The following CPNE2 variants were observed in gnomAD, a reference collection of about 807,000 sequenced individuals.
CPNE2 encodes the protein copine-2.
In CPNE2, 42 loss-of-function variants were observed where a neutral mutation model predicts 69.7. That is an observed-to-expected ratio of 0.60 (90% CI 0.47 to 0.78). The LOEUF is 0.78. CPNE2 is among the 30% of genes least tolerant of loss of function. The pLI is 0.00. For missense variants in CPNE2, 587 were observed against 732.0 expected (o/e 0.80, Z 2.29); for synonymous variants, 294 against 289.8 (o/e 1.01, Z -0.15).
intron 13 of CPNE2, 87 bp from the exon 14 acceptor site, chr16:57,137,062 A>C (rs1326575342): frequency 1.3e-6 from 2 of 1,545,044 alleles, no homozygotes; most frequent in Non-Finnish European, 1.8e-6. Flanking sequence ...TTGGGTAAGC[A>C]TGAAATAGAT....
chr16:57,129,779 A>G (rs1380273945), intron 12 of CPNE2, among the ~76,000 whole-genome samples: 1 of 152,214 alleles, frequency 6.6e-6, no homozygotes, highest in Non-Finnish European at 1.5e-5. Flanking sequence ...AGATCGTGCC[A>G]CTGCACTCCA....
At chr16:57,124,192 C>T (rs1209585507) in intron 10 of CPNE2, 1 of 321,324 alleles carries the variant, frequency 3.1e-6, no homozygotes, top group East Asian at 8.3e-5. Flanking sequence ...GTTGATCCTC[C>T]CACCTCAGCT....
At chr16:57,110,492 A>C (rs535918916) in intron 1 of CPNE2, 87 of 252,972 alleles carry the variant, frequency 3.4e-4, no homozygotes, top group African/African-American at 1.8e-3. Context: ...CTGAGATTAT[A>C]GGCGTGAGCC....
rs527952652 is a variant in CPNE2 at position 57,093,973 on chromosome 16, C to T, written c.-36+1183C>T. On this transcript the variant is annotated intron_variant, in intron 1 of 15. Transcript: ENST00000290776. ...AGGGAACTTGGCCCAGACCCTCCCC[C>T]CCTGTGGCCCTCTGGGTCACCATCT... is the stretch of plus-strand genomic sequence containing the variant. 2.2e-4 allele frequency: 100 copies of T among 451,340 alleles called. 1 individual carries two copies. The East Asian group carries it at 5.4e-3, about 25-fold the overall frequency. 28.0% of individuals were successfully genotyped at this position (451,340 alleles called of 1,614,324 possible). A position where few individuals can be genotyped will look rare whatever the true frequency, so the allele number is the denominator to read the frequency against.
chr16:57,115,429 G>A (rs1414667996), intron 3 of CPNE2, 47 bp from the exon 4 acceptor site: 2 of 1,474,418 alleles, frequency 1.4e-6, no homozygotes, highest in Non-Finnish European at 1.9e-6. Flanking sequence ...TCCTTCCCGG[G>A]CTTCCCCCGC....
rs1414298611 is a variant in CPNE2, at chr16:57,146,619, GA to G, written c.1539+299del. 2.5e-6 allele frequency: 1 copy of G among 402,406 alleles called. No individual in the cohort carries two copies. The highest frequency in any genetic ancestry group is 5.3e-5 in the East Asian group (1 of 18,904). 24.9% of individuals were successfully genotyped at this position (402,406 alleles called of 1,614,324 possible). A position where few individuals can be genotyped will look rare whatever the true frequency, so the allele number is the denominator to read the frequency against. ...GAGGACCTGCCCTCTAGTGGGGTCT[GA>G]TGAGAGGCTGGGGCTATCCATGTGG... On this transcript the variant is annotated intron_variant, in intron 15 of 15. Coordinates refer to ENST00000290776, the MANE Select transcript of CPNE2 (RefSeq NM_152727.6). This position sits in a 1 kb window ranked among gnomAD's most constrained non-coding sequence, Gnocchi z 4.4.
At chr16:57,137,751 C>T (rs1261287521) in intron 14 of CPNE2, among the ~76,000 whole-genome samples, 2 of 152,192 alleles carry the variant, frequency 1.3e-5, no homozygotes, top group African/African-American at 2.4e-5. Flanking sequence ...AAAGTAGCTG[C>T]GTGGCATCTG....
chr16:57,120,026 A>T (rs1002096024), intron 7 of CPNE2, among the ~76,000 whole-genome samples: 2 of 152,246 alleles, frequency 1.3e-5, no homozygotes, highest in Non-Finnish European at 2.9e-5. Context: ...TAATCCCAGC[A>T]CTTTGGGAGG....
chr16:57,127,967 G>T (rs1486859823), intron 12 of CPNE2, 64 bp downstream of exon 12: 3 of 1,541,690 alleles, frequency 1.9e-6, no homozygotes, highest in Non-Finnish European at 1.8e-6. Context: ...GGCCTCTCGG[G>T]GATCAGCTCT....
Position 57,134,772 on chromosome 16 carries a change from C to T in CPNE2, c.1117-3C>T. 2.5e-6 allele frequency: 4 copies of T among 1,613,940 alleles called. No homozygotes were observed. The highest frequency in any genetic ancestry group is 3.4e-6 in the Non-Finnish European group (4 of 1,179,912). On this transcript the variant is annotated splice_region_variant and splice_polypyrimidine_tract_variant and intron_variant, in intron 12 of 15. Coordinates refer to ENST00000290776, the MANE Select transcript of CPNE2 (RefSeq NM_152727.6). The stretch of plus-strand genomic sequence containing the variant: ...GCAGCTCAGCGTTTTCTCTGCGTTT[C>T]AGGTCTCCCATGAGTTTGCCATCAA...
chr16:57,126,621 G>C (rs1358047679), intron 11 of CPNE2, among the ~76,000 whole-genome samples: 1 of 152,182 alleles, frequency 6.6e-6, no homozygotes, highest in African/African-American at 2.4e-5. Context: ...CCAGGTCAGA[G>C]GATGGAATGA....
In CPNE2 at chr16:57,130,199, T is replaced by G. The variant is rs552743407; in HGVS notation, c.1116+2296T>G. 1.4e-4 allele frequency among the ~76,000 whole-genome samples: 21 copies of G among 151,532 alleles called. No homozygotes were observed. Among genetic ancestry groups the G allele is most frequent in the African/African-American group, 4.8e-4 (20 of 41,278 alleles). On this transcript the variant is annotated intron_variant, in intron 12 of 15. Transcript: ENST00000290776. This position sits in a 1 kb window ranked among gnomAD's most constrained non-coding sequence, Gnocchi z 4.1. ...TTCGAGACCAGCCTGGCCAACATGG[T>G]GAAACCCCGTCTCTACTAAAAATAC...
chr16:57,135,927 C>T (rs1490785576), intron 13 of CPNE2, among the ~76,000 whole-genome samples: 12 of 105,828 alleles, frequency 1.1e-4, no homozygotes, highest in African/African-American at 3.0e-4. Flanking sequence ...AAGAGAGAGA[C>T]AGAGAGAAAG....
chr16:57,094,267 G>A (rs1390647560), intron 1 of CPNE2, among the ~76,000 whole-genome samples: 1 of 152,150 alleles, frequency 6.6e-6, no homozygotes, highest in Non-Finnish European at 1.5e-5. Context: ...TCTGTAAAAT[G>A]AGGCAAACTG....
chr16:57,118,457 G>A (rs1360193326), intron 5 of CPNE2, among the ~76,000 whole-genome samples: 1 of 151,938 alleles, frequency 6.6e-6, no homozygotes, highest in Non-Finnish European at 1.5e-5. Context: ...ACAGGCTTGA[G>A]CCACCATGCC....
intron 1 of CPNE2, among the ~76,000 whole-genome samples, chr16:57,099,864 C>A (rs995084944): frequency 6.6e-6 from 1 of 151,202 alleles, no homozygotes; most frequent in Non-Finnish European, 1.5e-5. Context: ...CAACCTCTGC[C>A]TCCTGGATTC....
chr16:57,100,260 G>A (rs1004906730), intron 1 of CPNE2, among the ~76,000 whole-genome samples: 15 of 152,188 alleles, frequency 9.9e-5, no homozygotes, highest in African/African-American at 3.6e-4. Context: ...TGAAGAAGGG[G>A]GAAGGGCATT....
At chr16:57,115,405 C>T (rs1317796892) in intron 3 of CPNE2, 71 bp from the exon 4 acceptor site, 8 of 1,260,168 alleles carry the variant, frequency 6.3e-6, no homozygotes, top group African/African-American at 6.0e-5. Context: ...TTTCCGGTGC[C>T]GGTGGAGGAT....
At chr16:57,118,473 C>CAT (rs1472688305) in intron 5 of CPNE2, among the ~76,000 whole-genome samples, 1 of 151,952 alleles carries the variant, frequency 6.6e-6, no homozygotes, top group African/African-American at 2.4e-5. Context: ...ATGCCTGGCC[C>CAT]ATACCTTCTT....
Sources: gnomAD v4.1 joint callset for allele counts (sites outside exome capture counted in the v4.1 genomes callset) on GRCh38, gnomAD v4.1.1 for gene constraint, Gnocchi (gnomAD v3.1) non-coding constraint, MANE v1.5 for transcripts, NCBI Gene and HGNC (gene_info 2026-07-23, HGNC 2026-07-21) for gene names.